Variants in CCDC171 observed in about 807,000 individuals in gnomAD.
CCDC171 encodes the protein coiled-coil domain-containing protein 171.
In CCDC171, 177 loss-of-function variants were observed where a neutral mutation model predicts 168.2. That is an observed-to-expected ratio of 1.05 (90% CI 0.93 to 1.19). CCDC171 has a LOEUF of 1.19. Ranked by LOEUF, CCDC171 falls within the 50% of genes most tolerant of loss-of-function variation. The pLI, the probability that CCDC171 is intolerant of heterozygous loss-of-function variation, is 0.00. For synonymous variants in CCDC171, 687 were observed against 540.8 expected (o/e 1.27, Z -3.75); for missense variants, 1,991 against 1,539.0 (o/e 1.29, Z -4.91).
chr9:15,610,217 C>T (rs1484345987), intron 6 of CCDC171, among the ~76,000 whole-genome samples: 4 of 150,952 alleles, frequency 2.6e-5, no homozygotes, highest in Non-Finnish European at 5.9e-5. Context: ...GTCTTGTCTT[C>T]TTTTCTTTTC....
chr9:15,879,373 A>G (rs887874696), intron 24 of CCDC171, among the ~76,000 whole-genome samples: 4 of 152,124 alleles, frequency 2.6e-5, no homozygotes, highest in African/African-American at 7.2e-5. Context: ...CCTATATACA[A>G]TGTGCAATGA....
intron 1 of CCDC171, among the ~76,000 whole-genome samples, chr9:16,048,452 A>G (rs1253001600): frequency 6.6e-6 from 1 of 152,192 alleles, no homozygotes; most frequent in Non-Finnish European, 1.5e-5. Flanking sequence ...CCAATGCCAC[A>G]TTACAAATTA....
intron 3 of CCDC171, among the ~76,000 whole-genome samples, chr9:15,576,277 G>A (rs1418982333): frequency 6.6e-6 from 1 of 151,790 alleles, no homozygotes; most frequent in Non-Finnish European, 1.5e-5. Context: ...TGGAACTCCT[G>A]GGCTCAAGTG....
At chr9:15,719,043 A>T (rs1486797843) in intron 11 of CCDC171, among the ~76,000 whole-genome samples, 1 of 152,180 alleles carries the variant, frequency 6.6e-6, no homozygotes, top group Non-Finnish European at 1.5e-5. Context: ...TCAGATAGAG[A>T]ATTCAAAAGA....
At chr9:15,925,736 G>A (rs1032985573) in intron 25 of CCDC171, among the ~76,000 whole-genome samples, 1 of 151,614 alleles carries the variant, frequency 6.6e-6, no homozygotes, top group Non-Finnish European at 1.5e-5. Flanking sequence ...AGTATGTTGA[G>A]TTTGAGTTTC....
chr9:15,743,010 C>T (rs1317973402), intron 16 of CCDC171, among the ~76,000 whole-genome samples: 3 of 151,950 alleles, frequency 2.0e-5, no homozygotes, highest in Non-Finnish European at 1.5e-5. Flanking sequence ...AACTCCTGCC[C>T]TCAAGTGATC....
At chr9:15,891,983 C>A (rs896440867) in intron 24 of CCDC171, among the ~76,000 whole-genome samples, 1 of 152,074 alleles carries the variant, frequency 6.6e-6, no homozygotes, top group African/African-American at 2.4e-5. Flanking sequence ...TTGGACCTTT[C>A]CCCAATCCCC....
chr9:15,759,978 C>A (rs2056356286), intron 18 of CCDC171, among the ~76,000 whole-genome samples: 2 of 152,098 alleles, frequency 1.3e-5, no homozygotes, highest in Non-Finnish European at 2.9e-5. Flanking sequence ...AAATTATGAG[C>A]AGTATCTTAA....
chr9:16,046,836 A>T (rs1181672178), intron 1 of CCDC171, among the ~76,000 whole-genome samples: 1 of 152,078 alleles, frequency 6.6e-6, no homozygotes, highest in East Asian at 1.9e-4. Context: ...TTTACAAATT[A>T]CTCAGCCTTG....
At chr9:15,885,297 A>T (rs993542299) in intron 24 of CCDC171, among the ~76,000 whole-genome samples, 7 of 152,202 alleles carry the variant, frequency 4.6e-5, no homozygotes, top group Non-Finnish European at 1.0e-4. Context: ...CTAAGTAGAA[A>T]AGCTGCTGAC....
intron 7 of CCDC171, among the ~76,000 whole-genome samples, chr9:15,637,261 CA>C (rs1414857204): frequency 6.6e-6 from 1 of 151,808 alleles, no homozygotes; most frequent in Non-Finnish European, 1.5e-5. Context: ...ATCTCAAAAA[CA>C]AAACAAAAGA....
intron 24 of CCDC171, among the ~76,000 whole-genome samples, chr9:15,902,841 G>A (rs185641029): frequency 1.6e-3 from 236 of 152,256 alleles, no homozygotes; most frequent in Non-Finnish European, 2.6e-3. Flanking sequence ...CCCTAATACT[G>A]CACTTTTCCA....
At chr9:16,096,219 G>T in the CCDC171 span, among the ~76,000 whole-genome samples, 19 of 152,228 alleles carry the variant, frequency 1.2e-4, no homozygotes, top group African/African-American at 4.3e-4. Context: ...AAGATCTCTT[G>T]TGTATGCTTA....
At chr9:15,859,869 A>G (rs942139681) in intron 23 of CCDC171, among the ~76,000 whole-genome samples, 2 of 151,506 alleles carry the variant, frequency 1.3e-5, no homozygotes, top group Non-Finnish European at 2.9e-5. Context: ...GCATCTCACT[A>G]TGTTGCCCAG....
intron 6 of CCDC171, among the ~76,000 whole-genome samples, chr9:15,610,751 G>A (rs1244696857): frequency 6.6e-6 from 1 of 152,072 alleles, no homozygotes; most frequent in Non-Finnish European, 1.5e-5. Context: ...TAGACACAGG[G>A]TCTCACTGTG....
At chr9:15,701,253 C>G (rs2051712127) in intron 11 of CCDC171, among the ~76,000 whole-genome samples, 1 of 151,848 alleles carries the variant, frequency 6.6e-6, no homozygotes, top group South Asian at 2.1e-4. Context: ...TAATATAGTC[C>G]CTTTGGTTTA....
At chr9:15,619,224 T>G (rs550663096) in intron 6 of CCDC171, among the ~76,000 whole-genome samples, 1 of 152,310 alleles carries the variant, frequency 6.6e-6, no homozygotes, top group African/African-American at 2.4e-5. Context: ...ACCTGTTTCA[T>G]TTTAAATCAA....
intron 4 of CCDC171, among the ~76,000 whole-genome samples, chr9:15,586,483 A>T (rs1248851065): frequency 6.6e-6 from 1 of 152,208 alleles, no homozygotes; most frequent in Non-Finnish European, 1.5e-5. Flanking sequence ...CTAAGTCAGG[A>T]GTGGGGAAAA....
chr9:15,602,333 A>T (rs914314031), intron 6 of CCDC171, among the ~76,000 whole-genome samples: 5 of 145,088 alleles, frequency 3.4e-5, no homozygotes, highest in African/African-American at 9.8e-5. Flanking sequence ...TTAGTATCTC[A>T]TAGTGTTCTC....
Sources: gnomAD v4.1 joint callset for allele counts (sites outside exome capture counted in the v4.1 genomes callset) on GRCh38, gnomAD v4.1.1 for gene constraint, MANE v1.5 for transcripts, NCBI Gene and HGNC (gene_info 2026-07-23, HGNC 2026-07-21) for gene names.